Variants in OTOP3 observed in about 807,000 individuals in gnomAD.
OTOP3 encodes proton channel OTOP3.
A neutral mutation model predicts 50.8 loss-of-function variants in OTOP3; 41 were observed. The observed-to-expected ratio is 0.81, with a 90% CI of 0.63 to 1.05. The LOEUF (loss-of-function observed/expected upper bound fraction) is 1.05, where lower values mean the gene tolerates loss of function less well. OTOP3 is among the 50% of genes least tolerant of loss of function. The probability of loss-of-function intolerance (pLI) is 0.00; values close to 1 mark genes in which losing one functional copy is unlikely to be tolerated. For missense variants in OTOP3, 788 were observed against 760.8 expected, an observed-to-expected ratio of 1.04 and a Z score of -0.42; for synonymous variants, 320 against 324.4, an observed-to-expected ratio of 0.99 and a Z score of 0.14.
At chr17:74,947,564 A>G (rs1364328434) in intron 6 of OTOP3, 89 bp downstream of exon 6, 4 of 1,243,996 alleles carry the variant, frequency 3.2e-6, no homozygotes, top group Non-Finnish European at 3.3e-6. Flanking sequence ...TCAAGGACAC[A>G]TCTTTTTCCA....
chr17:74,937,657 A>T (rs2039132686), intron 1 of OTOP3, among the ~76,000 whole-genome samples: 1 of 152,188 alleles, frequency 6.6e-6, no homozygotes, highest in South Asian at 2.1e-4. Flanking sequence ...CTCTGTCCAC[A>T]GCTCTGGTGC....
At chr17:74,940,658 C>G (rs1466685525) in intron 1 of OTOP3, among the ~76,000 whole-genome samples, 2 of 152,142 alleles carry the variant, frequency 1.3e-5, no homozygotes, top group African/African-American at 4.8e-5. Flanking sequence ...GTTGCCCACT[C>G]CTCATGAGAA....
rs78168725 is a variant in OTOP3 at position 74,946,935 on chromosome 17, C to T, written c.1026C>T (p.Ile342=). ...TGTGCGTCTTTGTGCTCTTCCAAAT[C>T]GAGGCCAGTGGCCCTGCCATTGCTT... ...AGVCVFVLFQ[I]EASGPAIACQ... Residue 342 remains isoleucine (I), a synonymous_variant, in exon 6 of 7, where the codon ATC becomes ATT. Coordinates refer to ENST00000328801, the MANE Select transcript of OTOP3 (RefSeq NM_001272005.2). The T allele has an allele frequency of 6.2e-6, 10 of 1,612,766 alleles. 1 individual carries two copies. Among genetic ancestry groups the T allele is most frequent in the South Asian group, 4.4e-5 (4 of 91,094 alleles).
chr17:74,943,599 C>T lies in OTOP3; in HGVS notation c.633-7C>T. The T allele has an allele frequency of 6.2e-7, 1 of 1,612,538 alleles. No homozygotes were observed. Among genetic ancestry groups the T allele is most frequent in the Non-Finnish European group, 8.5e-7 (1 of 1,178,978 alleles). On this transcript the variant is annotated splice_polypyrimidine_tract_variant and splice_region_variant and intron_variant, in intron 4 of 6. Transcript: ENST00000328801. ...GGTGTGTGAGAAGAGTGTGGCATTT[C>T]CCCCAGGTGTGGCCTGATGCTGACC... is the stretch of plus-strand genomic sequence containing the variant.
chr17:74,941,850 G>A (rs200053337), intron 2 of OTOP3, 41 bp downstream of exon 2: 42 of 1,591,240 alleles, frequency 2.6e-5, no homozygotes, highest in Non-Finnish European at 3.3e-5. Context: ...GGGGTGGGGA[G>A]GGAGAGCCGG....
intron 6 of OTOP3, among the ~76,000 whole-genome samples, chr17:74,949,021 C>G (rs1203821510): frequency 6.6e-6 from 1 of 152,190 alleles, no homozygotes; most frequent in Non-Finnish European, 1.5e-5. Context: ...TGGCCACAGG[C>G]AAGCTCACAG....
At chr17:74,948,701 G>A (rs1041135001) in intron 6 of OTOP3, among the ~76,000 whole-genome samples, 3 of 152,104 alleles carry the variant, frequency 2.0e-5, no homozygotes, top group Admixed American at 1.3e-4. Context: ...AGCCAGGCAT[G>A]ATGGTGCATG....
At chr17:74,944,782 A>G (rs2039210038) in intron 5 of OTOP3, among the ~76,000 whole-genome samples, 2 of 152,228 alleles carry the variant, frequency 1.3e-5, no homozygotes, top group Non-Finnish European at 2.9e-5. Context: ...AGATTCAAGC[A>G]TTACAAATGA....
rs1005578196 is a variant in OTOP3 at position 74,949,602 on chromosome 17, G to A, written c.*186G>A. The A allele has an allele frequency of 1.2e-5, 8 of 660,550 alleles. No homozygotes were observed. Among genetic ancestry groups the A allele is most frequent in the Non-Finnish European group, 2.0e-5 (8 of 400,398 alleles). 40.9% of individuals were successfully genotyped at this position (660,550 alleles called of 1,614,324 possible). On this transcript the variant is annotated 3_prime_UTR_variant, in exon 7 of 7. Transcript: ENST00000328801. The stretch of plus-strand genomic sequence containing the variant: ...GCCAGAGGCCAACAGCAGGGGCCTG[G>A]ACACTGAGCTTCTGATGCCCACGGC...
rs776212518 is a variant in OTOP3, at chr17:74,941,789, C to A, written c.416C>A (p.Ala139Glu). The A allele has an allele frequency of 4.7e-6, 7 of 1,481,184 alleles. No homozygotes were observed. The highest frequency in any genetic ancestry group is 4.3e-5 in the African/African-American group (3 of 70,096). The allele number at this position is 1,481,184 out of a possible 1,614,324, so 91.8% of individuals were successfully genotyped here. A position where few individuals can be genotyped will look rare whatever the true frequency, so the allele number is the denominator to read the frequency against. ...PHAVLYQDPH[A>E]GPLWVRGSLV... ...GCCGTGCTCTACCAAGATCCCCACG[C>A]GGGGCCCCTCTGGGTGCGGGGTGAG... is the stretch of plus-strand genomic sequence containing the variant. The change falls in exon 2 of 7, where the codon GCG becomes GAG. Residue 139 changes from alanine (A) to glutamate (E), a missense_variant. Physicochemically the swap from Ala to Glu is moderately radical, Grantham distance 107. Transcript: ENST00000328801.
chr17:74,940,653 C>T (rs1428026483), intron 1 of OTOP3, among the ~76,000 whole-genome samples: 1 of 152,038 alleles, frequency 6.6e-6, no homozygotes, highest in African/African-American at 2.4e-5. Flanking sequence ...TAGGGGTTGC[C>T]CACTCCTCAT....
chr17:74,948,891 G>A (rs1035488123), intron 6 of OTOP3, among the ~76,000 whole-genome samples: 7 of 152,120 alleles, frequency 4.6e-5, no homozygotes, highest in African/African-American at 9.7e-5. Flanking sequence ...AGTGAAGCCC[G>A]AGCTCAGGGT....
At position 74,946,732 on chromosome 17, in the gene OTOP3, C is replaced by T. The variant is rs955511595; in HGVS notation, c.823C>T (p.Leu275Phe). The stretch of plus-strand genomic sequence containing the variant: ...AGCTTTCCGGAGAGGCTTCCTGATG[C>T]TCTACCCCTTCAGCACTGAGTACTG... ...CEAFRRGFLMLYPFSTEYCLI... is the reference protein window; with the variant it reads ...CEAFRRGFLMFYPFSTEYCLI... Residue 275 changes from leucine (L) to phenylalanine (F), a missense_variant, in exon 6 of 7, where the codon CTC (leucine) becomes TTC (phenylalanine). Physicochemically the swap from Leu to Phe is conservative, Grantham distance 22. Coordinates refer to ENST00000328801, the MANE Select transcript of OTOP3 (RefSeq NM_001272005.2). The T allele has an allele frequency of 1.9e-6, 3 of 1,613,330 alleles. No homozygotes were observed. Among genetic ancestry groups the T allele is most frequent in the Non-Finnish European group, 2.5e-6 (3 of 1,180,024 alleles).
At chr17:74,949,017 C>T (rs1188305175) in intron 6 of OTOP3, among the ~76,000 whole-genome samples, 3 of 152,186 alleles carry the variant, frequency 2.0e-5, no homozygotes, top group Non-Finnish European at 4.4e-5. Context: ...AGGCTGGCCA[C>T]AGGCAAGCTC....
At chr17:74,943,759 AACACACACACACACACACACACAC>A in intron 5 of OTOP3, 35 bp downstream of exon 5, 1 of 981,726 alleles carries the variant, frequency 1.0e-6, no homozygotes, top group Non-Finnish European at 1.6e-6. Flanking sequence ...CTTGCCCTGA[AACACACACACACACACACACACAC>A]ACACACACAC....
intron 1 of OTOP3, among the ~76,000 whole-genome samples, chr17:74,937,485 G>C (rs1304304725): frequency 6.6e-6 from 1 of 152,182 alleles, no homozygotes; most frequent in African/African-American, 2.4e-5. Context: ...AGGTTTTGGG[G>C]AAGGTGAAGT....
At position 74,947,241 on chromosome 17, in the gene OTOP3, C is replaced by T. The variant is rs74750893; in HGVS notation, c.1332C>T (p.Ile444=). 1.3e-3 allele frequency: 2,173 copies of T among 1,613,946 alleles called. 20 individuals are homozygous for T. The African/African-American group carries it at 0.021, about 15-fold the overall frequency. The stretch of plus-strand genomic sequence containing the variant: ...CGCTGCTGCTCATCCTGCAGCACAT[C>T]GCTCAGAACCTCTTCATCATCGAGG... The part of the protein sequence containing the change: ...AYSLLLILQH[I]AQNLFIIEGL... The change falls in exon 6 of 7, where the codon ATC becomes ATT. Residue 444 remains isoleucine, a synonymous_variant. Coordinates refer to ENST00000328801, the MANE Select transcript of OTOP3 (RefSeq NM_001272005.2).
rs1308494124 is a variant in OTOP3, at chr17:74,949,619, GCC to G, written c.*205_*206del. On this transcript the variant is annotated 3_prime_UTR_variant, in exon 7 of 7. Transcript: ENST00000328801. ...GGGGCCTGGACACTGAGCTTCTGATGCCCACGGCCAGGCCTGGGCACATGCCT... is the reference window on the plus strand; with the variant it reads ...GGGGCCTGGACACTGAGCTTCTGATGCACGGCCAGGCCTGGGCACATGCCT... 84 of 609,554 alleles carry G rather than the reference GCC, an allele frequency of 1.4e-4. No individual in the cohort carries two copies. The Admixed American group carries it at 2.6e-3, about 19-fold the overall frequency. 37.8% of individuals were successfully genotyped at this position (609,554 alleles called of 1,614,324 possible).
At chr17:74,947,498 C>CT in intron 6 of OTOP3, 23 bp downstream of exon 6, 1 of 1,564,094 alleles carries the variant, frequency 6.4e-7, no homozygotes, top group South Asian at 1.2e-5. Flanking sequence ...GCTAAGGGGC[C>CT]TGGAGGGTAG....
Sources: allele counts gnomAD v4.1 joint callset (sites outside exome capture counted in the v4.1 genomes callset), GRCh38; gene constraint gnomAD v4.1.1; transcripts MANE v1.5; gene names NCBI Gene and HGNC (gene_info 2026-07-23, HGNC 2026-07-21).